GALNT17: variants seen among roughly 807,000 people sequenced by gnomAD.
GALNT17 encodes polypeptide N-acetylgalactosaminyltransferase 17.
GALNT17 carries 29 observed loss-of-function variants against 63.7 expected under a neutral mutation model. That is an observed-to-expected ratio of 0.46 (90% CI 0.34 to 0.62). The LOEUF (loss-of-function observed/expected upper bound fraction) is 0.62, where lower values mean the gene tolerates loss of function less well. Ranked by LOEUF, GALNT17 falls within the 20% of genes least tolerant of loss-of-function variation. The probability of loss-of-function intolerance (pLI) is 0.01; values close to 1 mark genes in which losing one functional copy is unlikely to be tolerated. For missense variants in GALNT17, 603 were observed against 799.6 expected, an observed-to-expected ratio of 0.75 and a Z score of 2.97; for synonymous variants, 305 against 318.3, an observed-to-expected ratio of 0.96 and a Z score of 0.45.
At chr7:71,329,287 G>C (rs1194327621) in intron 1 of GALNT17, among the ~76,000 whole-genome samples, 2 of 152,122 alleles carry the variant, frequency 1.3e-5, no homozygotes, top group Non-Finnish European at 1.5e-5. Flanking sequence ...GGAAAATCCA[G>C]GGCGAATGAG....
intron 3 of GALNT17, among the ~76,000 whole-genome samples, chr7:71,398,379 A>G (rs1411439680): frequency 1.3e-5 from 2 of 150,202 alleles, no homozygotes; most frequent in Non-Finnish European, 3.0e-5. Flanking sequence ...CCTTCTATCC[A>G]TTTTTTCTAT....
rs556134350 is a variant in GALNT17, at chr7:71,174,009, C to T, written c.238+40969C>T. 2.3e-3 allele frequency among the ~76,000 whole-genome samples: 351 copies of T among 152,248 alleles called. 4 individuals are homozygous for T. The highest frequency in any genetic ancestry group is 7.7e-3 in the African/African-American group (321 of 41,548). ...CTAAATACACTTGTGTCTGAACCAA[C>T]TTCTTCTGTTTCCACTGTTTTCTTG... On this transcript the variant is annotated intron_variant, in intron 1 of 10. Coordinates refer to ENST00000333538, the MANE Select transcript of GALNT17 (RefSeq NM_022479.3).
chr7:71,645,914 G>GT (rs1197111606), intron 6 of GALNT17, among the ~76,000 whole-genome samples: 1 of 152,112 alleles, frequency 6.6e-6, no homozygotes, highest in African/African-American at 2.4e-5. Flanking sequence ...TTTGTGCCTA[G>GT]GCCTAAGTGA....
chr7:71,494,836 A>T (rs753935665), intron 5 of GALNT17, among the ~76,000 whole-genome samples: 9 of 152,346 alleles, frequency 5.9e-5, no homozygotes, highest in East Asian at 3.9e-4. Flanking sequence ...CACGTCTTAC[A>T]TGGCAGCAGG....
At chr7:71,449,934 G>A (rs554289497) in intron 5 of GALNT17, among the ~76,000 whole-genome samples, 5 of 151,556 alleles carry the variant, frequency 3.3e-5, no homozygotes, top group South Asian at 4.2e-4. Flanking sequence ...CCAGCTACTC[G>A]GGAGGCTGAG....
intron 8 of GALNT17, among the ~76,000 whole-genome samples, chr7:71,676,982 C>A (rs541383290): frequency 1.3e-5 from 2 of 152,230 alleles, no homozygotes; most frequent in African/African-American, 4.8e-5. Flanking sequence ...GGTGGGGGGG[C>A]AAGCTGCCCA....
At chr7:71,192,398 CT>C (rs375394634) in intron 1 of GALNT17, among the ~76,000 whole-genome samples, 19,361 of 144,036 alleles carry the variant, frequency 0.13, 1,361 homozygotes, top group African/African-American at 0.22. Context: ...ATATTTAATT[CT>C]TTTTTTTTTT....
intron 5 of GALNT17, among the ~76,000 whole-genome samples, chr7:71,528,125 G>T (rs929268264): frequency 6.6e-6 from 1 of 152,162 alleles, no homozygotes; most frequent in Non-Finnish European, 1.5e-5. Flanking sequence ...TGGTTTTGTT[G>T]TTGCTGTTTT....
intron 6 of GALNT17, among the ~76,000 whole-genome samples, chr7:71,575,709 A>G (rs778186083): frequency 5.9e-5 from 9 of 151,988 alleles, no homozygotes; most frequent in Non-Finnish European, 1.2e-4. Flanking sequence ...AAACCAAGAA[A>G]TGGCTCAATC....
At chr7:71,357,376 C>T (rs2707435) in intron 2 of GALNT17, among the ~76,000 whole-genome samples, 3 of 152,114 alleles carry the variant, frequency 2.0e-5, no homozygotes, top group East Asian at 1.9e-4. Flanking sequence ...TAATACCTTA[C>T]GATCTGAGGT....
At chr7:71,372,630 A>T (rs1452774852) in intron 2 of GALNT17, among the ~76,000 whole-genome samples, 2 of 152,114 alleles carry the variant, frequency 1.3e-5, no homozygotes, top group Admixed American at 1.3e-4. Flanking sequence ...GTTTTAAAAA[A>T]ATTTTGTAGA....
intron 1 of GALNT17, among the ~76,000 whole-genome samples, chr7:71,302,761 C>T (rs940479874): frequency 1.3e-5 from 2 of 152,146 alleles, no homozygotes; most frequent in African/African-American, 4.8e-5. Flanking sequence ...TTGAACTTCC[C>T]CCTTTCAACA....
intron 1 of GALNT17, among the ~76,000 whole-genome samples, chr7:71,293,109 C>T (rs1791014860): frequency 6.6e-6 from 1 of 152,040 alleles, no homozygotes; most frequent in Admixed American, 6.6e-5. Flanking sequence ...AATACATCTG[C>T]AAAAAGATAG....
rs373112898 is a variant in GALNT17, at chr7:71,592,563, C to CATAGCATAGCATACTAAAATAAAA, written c.1080+21161_1080+21162insATAGCATAGCATACTAAAATAAAA. Among the ~76,000 whole-genome samples the CATAGCATAGCATACTAAAATAAAA allele has an allele frequency of 1.1e-4, 8 of 69,978 alleles. No individual in the cohort carries two copies. The East Asian group carries it at 1.7e-3, about 15-fold the overall frequency. The allele number at this position is 69,978 out of a possible 152,430, so 45.9% of individuals were successfully genotyped here. A position where few individuals can be genotyped will look rare whatever the true frequency, so the allele number is the denominator to read the frequency against. On this transcript the variant is annotated intron_variant, in intron 6 of 10. Transcript: ENST00000333538. ...AAATAAAATAGCATAGCATAGCATA[C>CATAGCATAGCATACTAAAATAAAA]TAAAATAAAATAAAATAAAATAAAA...
At chr7:71,399,826 G>C (rs1381440519) in intron 3 of GALNT17, among the ~76,000 whole-genome samples, 2 of 151,852 alleles carry the variant, frequency 1.3e-5, no homozygotes, top group African/African-American at 4.8e-5. Flanking sequence ...TCTGGTGCAG[G>C]GGAAATGGCA....
chr7:71,442,710 A>C (rs1374883325), intron 5 of GALNT17, among the ~76,000 whole-genome samples: 2 of 152,120 alleles, frequency 1.3e-5, no homozygotes, highest in East Asian at 3.9e-4. Context: ...CTGGTAGTAC[A>C]TCCTTACAGC....
intron 1 of GALNT17, among the ~76,000 whole-genome samples, chr7:71,204,213 T>C (rs1489201482): frequency 1.3e-5 from 2 of 152,180 alleles, no homozygotes; most frequent in Non-Finnish European, 2.9e-5. Flanking sequence ...TGACTGTTAA[T>C]GTGTGTGTTT....
intron 5 of GALNT17, among the ~76,000 whole-genome samples, chr7:71,506,616 A>C (rs1788273790): frequency 6.6e-6 from 1 of 152,222 alleles, no homozygotes; most frequent in African/African-American, 2.4e-5. Context: ...ATTAACAAAT[A>C]ATAATTGTAT....
chr7:71,610,169 CT>C (rs1487901878), intron 6 of GALNT17, among the ~76,000 whole-genome samples: 2 of 152,020 alleles, frequency 1.3e-5, no homozygotes, highest in Admixed American at 1.3e-4. Flanking sequence ...AAAAAGACCC[CT>C]GATGGAAAGA....
Sources: allele counts gnomAD v4.1 joint callset (sites outside exome capture counted in the v4.1 genomes callset), GRCh38; gene constraint gnomAD v4.1.1; transcripts MANE v1.5; gene names NCBI Gene and HGNC (gene_info 2026-07-23, HGNC 2026-07-21).